Variants in ACSL3 observed in about 807,000 individuals in gnomAD.
ACSL3 encodes fatty acid CoA ligase Acsl3.
In ACSL3, 34 loss-of-function variants were observed where a neutral mutation model predicts 84.7. The ratio of observed to expected loss-of-function variants is 0.40; its 90% CI spans 0.31 to 0.53. The LOEUF is 0.53. Ranked by LOEUF, ACSL3 falls within the 20% of genes least tolerant of loss-of-function variation. The pLI is 0.48. For missense variants in ACSL3, 680 were observed against 873.1 expected (o/e 0.78, Z 2.79); for synonymous variants, 315 against 299.4 (o/e 1.05, Z -0.54).
intron 1 of ACSL3, among the ~76,000 whole-genome samples, chr2:222,869,887 C>A (rs893076109): frequency 7.2e-5 from 11 of 152,088 alleles, no homozygotes; most frequent in Non-Finnish European, 1.5e-4. Flanking sequence ...AGCGTAACCT[C>A]TTTATTTATT....
intron 14 of ACSL3, 61 bp downstream of exon 14, chr2:222,930,873 C>T: frequency 6.9e-7 from 1 of 1,448,668 alleles, no homozygotes; most frequent in South Asian, 1.3e-5. Context: ...ACAAGAAGCA[C>T]AATATATTTA....
At chr2:222,872,508 G>A (rs562868705) in intron 1 of ACSL3, among the ~76,000 whole-genome samples, 5 of 152,242 alleles carry the variant, frequency 3.3e-5, no homozygotes, top group African/African-American at 9.6e-5. Context: ...CCATCCATCT[G>A]TTTGTCTATC....
At chr2:222,915,102 G>A (rs910139818) in intron 4 of ACSL3, among the ~76,000 whole-genome samples, 1 of 152,180 alleles carries the variant, frequency 6.6e-6, no homozygotes, top group Admixed American at 6.5e-5. Flanking sequence ...AACCTTTAGA[G>A]TGTAAAATTC....
chr2:222,938,311 T>C (rs1325583077), intron 16 of ACSL3, among the ~76,000 whole-genome samples: 2 of 152,166 alleles, frequency 1.3e-5, no homozygotes, highest in African/African-American at 4.8e-5. Context: ...TGCTTTAACT[T>C]GAAGTACTCC....
intron 2 of ACSL3, among the ~76,000 whole-genome samples, chr2:222,893,100 A>G (rs1225753836): frequency 8.5e-5 from 13 of 152,174 alleles, no homozygotes; most frequent in East Asian, 1.9e-4. Flanking sequence ...AGAAAAATAC[A>G]GAGGAGGAAA....
In ACSL3 at chr2:222,944,381, T is replaced by C. The variant is rs1009288924; in HGVS notation, c.*2727T>C. The C allele has an allele frequency of 1.3e-5, 2 of 152,152 alleles. No homozygotes were observed. Among genetic ancestry groups the C allele is most frequent in the African/African-American group, 4.8e-5 (2 of 41,436 alleles). The allele number at this position is 152,152 out of a possible 1,614,324, so 9.4% of individuals were successfully genotyped here. On this transcript the variant is annotated 3_prime_UTR_variant, in exon 17 of 17. Transcript: ENST00000357430. ...GGCTCTTTTTTTCCCATAAGAATTA[T>C]GTACATCTGTGATGTTTTACAGGGG...
intron 3 of ACSL3, 24 bp from the exon 4 acceptor site, chr2:222,908,709 C>A: frequency 7.2e-7 from 1 of 1,395,024 alleles, no homozygotes; most frequent in Non-Finnish European, 9.8e-7. Context: ...TTTGAACTAA[C>A]GCCTTTCTTT....
At chr2:222,917,240 CCGCCATGCCCGG>C (rs1696608838) in intron 5 of ACSL3, 1 of 152,314 alleles carries the variant, frequency 6.6e-6, no homozygotes, top group Non-Finnish European at 1.5e-5. Context: ...CAGGCGCATG[CCGCCATGCCCGG>C]CTAATTTTTT....
intron 4 of ACSL3, 51 bp downstream of exon 4, chr2:222,909,201 T>C (rs202184974): frequency 2.1e-5 from 32 of 1,546,046 alleles, no homozygotes; most frequent in Non-Finnish European, 2.7e-5. Context: ...AATATCCTGT[T>C]AGAAATGAAG....
intron 2 of ACSL3, among the ~76,000 whole-genome samples, chr2:222,893,117 T>G (rs1352182461): frequency 6.6e-6 from 1 of 152,128 alleles, no homozygotes; most frequent in East Asian, 1.9e-4. Context: ...GAAATCAGAT[T>G]GAGTGGTGGG....
intron 1 of ACSL3, among the ~76,000 whole-genome samples, chr2:222,880,870 T>C (rs1695576314): frequency 6.6e-6 from 1 of 152,020 alleles, no homozygotes. Flanking sequence ...TCTATTTTTA[T>C]TATTTACTTG....
At chr2:222,929,552 C>T (rs1053706218) in intron 13 of ACSL3, among the ~76,000 whole-genome samples, 46 of 152,232 alleles carry the variant, frequency 3.0e-4, no homozygotes, top group African/African-American at 1.0e-3. Flanking sequence ...GAGGCCAAGA[C>T]GGGCGGATCA....
chr2:222,912,345 C>T (rs1696465855), intron 4 of ACSL3, among the ~76,000 whole-genome samples: 1 of 152,128 alleles, frequency 6.6e-6, no homozygotes, highest in Non-Finnish European at 1.5e-5. Flanking sequence ...TTGTTACACC[C>T]ATTGCATTGC....
intron 3 of ACSL3, among the ~76,000 whole-genome samples, chr2:222,905,368 C>T (rs1200561476): frequency 1.3e-5 from 2 of 152,102 alleles, no homozygotes; most frequent in Non-Finnish European, 2.9e-5. Flanking sequence ...ACTATATTGC[C>T]CCGGCTGGTC....
intron 10 of ACSL3, among the ~76,000 whole-genome samples, chr2:222,924,038 G>A (rs1338177201): frequency 6.6e-6 from 1 of 152,100 alleles, no homozygotes; most frequent in Non-Finnish European, 1.5e-5. Flanking sequence ...CAAAGAATGT[G>A]GTACTGTATA....
chr2:222,926,881 C>T lies in ACSL3; in HGVS notation c.1293-136C>T, dbSNP rs1696894663. On this transcript the variant is annotated intron_variant, in intron 11 of 16. Coordinates refer to ENST00000357430, the MANE Select transcript of ACSL3 (RefSeq NM_004457.5). ...TAACATTTGGGGCTCAAGAGACTCTCCAAATTGGCTGTGTGACCTTGGATA... is the reference window on the plus strand; with the variant it reads ...TAACATTTGGGGCTCAAGAGACTCTTCAAATTGGCTGTGTGACCTTGGATA... 7.9e-6 allele frequency: 7 copies of T among 882,758 alleles called. No individual in the cohort carries two copies. The South Asian group carries it at 1.2e-4, about 15-fold the overall frequency. 54.7% of individuals were successfully genotyped at this position (882,758 alleles called of 1,614,324 possible).
At position 222,910,590 on chromosome 2, in the gene ACSL3, A is replaced by G. The variant is rs537255861; in HGVS notation, c.378+1440A>G. ...TAATTTTGCCACTTAAACAAATTTC[A>G]TACATCATTTTCCTCAAAACATGAA... On this transcript the variant is annotated intron_variant, in intron 4 of 16. Transcript: ENST00000357430. Among the ~76,000 whole-genome samples, 4 of 152,378 alleles carry G rather than the reference A, an allele frequency of 2.6e-5. No individual in the cohort carries two copies. The East Asian group carries it at 5.8e-4, about 22-fold the overall frequency.
In ACSL3 at chr2:222,919,081, C is replaced by T. The variant is rs759428756; in HGVS notation, c.684C>T (p.Val228=). Residue 228 remains valine, a synonymous_variant, in exon 7 of 17, where the codon GTC becomes GTT. Transcript: ENST00000357430. ...ATTTCTAGGATATAGTTTCTTTGGT[C>T]CCACGCCTGCGGCACATCATCACTG... ...QTKLKDIVSL[V]PRLRHIITVD... is the part of the protein sequence containing the mutation. 18 of 1,613,750 alleles carry T rather than the reference C, an allele frequency of 1.1e-5. No homozygotes were observed. The highest frequency in any genetic ancestry group is 6.7e-5 in the African/African-American group (5 of 74,892).
intron 4 of ACSL3, 32 bp from the exon 5 acceptor site, chr2:222,916,287 T>C: frequency 7.3e-7 from 1 of 1,374,016 alleles, no homozygotes; most frequent in Non-Finnish European, 9.6e-7. Flanking sequence ...TTATTTTGAT[T>C]ACATTAAAAA....
Sources: allele counts gnomAD v4.1 joint callset (sites outside exome capture counted in the v4.1 genomes callset), GRCh38; gene constraint gnomAD v4.1.1; transcripts MANE v1.5; gene names NCBI Gene and HGNC (gene_info 2026-07-23, HGNC 2026-07-21).